The following PARP10 variants were observed in gnomAD, a reference collection of about 807,000 sequenced individuals.
PARP10 encodes poly(ADP-ribose) polymerase family member 10.
PARP10 carries 56 observed loss-of-function variants against 82.4 expected under a neutral mutation model. The observed-to-expected ratio is 0.68, with a 90% confidence interval of 0.55 to 0.85. The LOEUF (loss-of-function observed/expected upper bound fraction) is 0.85, where lower values mean the gene tolerates loss of function less well. Ranked by LOEUF, PARP10 falls within the 40% of genes least tolerant of loss-of-function variation. The pLI is 0.00. For synonymous variants in PARP10, 576 were observed against 601.1 expected (o/e 0.96, Z 0.61); for missense variants, 1,227 against 1,379.4 (o/e 0.89, Z 1.75).
upstream of PARP10, among the ~76,000 whole-genome samples, chr8:143,993,815 G>A (rs1425767767): frequency 6.6e-6 from 1 of 152,222 alleles, no homozygotes; most frequent in South Asian, 2.1e-4. Context: ...CAGTCCATCT[G>A]TGTGGGCACC....
rs1554752477 is a variant in PARP10, at chr8:144,011,051, A to G, written c.-80+1479T>C. Among the ~76,000 whole-genome samples the G allele has an allele frequency of 1.3e-5, 2 of 151,870 alleles. No homozygotes were observed. The highest frequency in any genetic ancestry group is 2.9e-5 in the Non-Finnish European group (2 of 67,946). The stretch of plus-strand genomic sequence containing the variant: ...GTCTATTAGACGTCTAATAGACGTG[A>G]TTAATAGCTACAAGTATATAATAGC... On this transcript the variant is annotated intron_variant, in intron 1 of 3. Transcript: ENST00000530478. The surrounding 1 kb of genome is among the most constrained non-coding windows in gnomAD (Gnocchi z 4.5).
Position 143,977,901 on chromosome 8 carries a change from C to T in PARP10, c.2731+6G>A. 1 of 1,602,118 alleles carries T rather than the reference C, an allele frequency of 6.2e-7. No homozygotes were observed. The highest frequency in any genetic ancestry group is 8.5e-7 in the Non-Finnish European group (1 of 1,179,194). ...AGCCCCCGCCCCTGCCCGGCTCAGGCCTCACCGTTGCGGCCGCAGAAGCTG... is the reference window on the plus strand; with the variant it reads ...AGCCCCCGCCCCTGCCCGGCTCAGGTCTCACCGTTGCGGCCGCAGAAGCTG... On this transcript the variant is annotated splice_donor_region_variant and intron_variant, in intron 10 of 10. Coordinates refer to ENST00000313028, the MANE Select transcript of PARP10 (RefSeq NM_032789.5).
At chr8:144,009,242 A>C (rs1347806381) in intron 1 of PARP10, among the ~76,000 whole-genome samples, 1 of 151,944 alleles carries the variant, frequency 6.6e-6, no homozygotes, top group Non-Finnish European at 1.5e-5. Context: ...AAACCACTTC[A>C]CCCAAACAGC....
At chr8:144,009,521 G>C (rs909489649) in intron 1 of PARP10, among the ~76,000 whole-genome samples, 1 of 152,048 alleles carries the variant, frequency 6.6e-6, no homozygotes, top group Non-Finnish European at 1.5e-5. Flanking sequence ...CCCCATTCCT[G>C]GGCAACCTCA....
chr8:144,009,862 G>T (rs1334914755), intron 1 of PARP10, among the ~76,000 whole-genome samples: 1 of 152,072 alleles, frequency 6.6e-6, no homozygotes, highest in African/African-American at 2.4e-5. Context: ...ACATTTCTCA[G>T]CTCTGCCCAC....
upstream of PARP10, chr8:143,989,578 T>C (rs995084619): frequency 6.6e-6 from 1 of 152,102 alleles, no homozygotes. This position sits in a 1 kb window ranked among gnomAD's most constrained non-coding sequence, Gnocchi z 4.3. Context: ...CCCGTAAATA[T>C]ACACCTACTA....
intron 9 of PARP10, among the ~76,000 whole-genome samples, chr8:143,978,666 C>G (rs574259779): frequency 6.6e-6 from 1 of 152,230 alleles, no homozygotes; most frequent in East Asian, 1.9e-4. Context: ...GGAAGTGGTT[C>G]AAACTGAAGA....
chr8:143,992,532 C>T, upstream of PARP10: 2 of 1,614,180 alleles, frequency 1.2e-6, no homozygotes, highest in Non-Finnish European at 1.7e-6. Context: ...TTCATCTTCG[C>T]CATTCTCTGC....
chr8:143,992,966 CCT>C (rs1834126355), upstream of PARP10: 2 of 783,824 alleles, frequency 2.6e-6, no homozygotes, highest in African/African-American at 3.5e-5. Flanking sequence ...GAAAAGGATG[CCT>C]CTCTCCAACC....
chr8:144,009,543 A>G (rs1384911604), intron 1 of PARP10, among the ~76,000 whole-genome samples: 1 of 152,100 alleles, frequency 6.6e-6, no homozygotes, highest in African/African-American at 2.4e-5. Context: ...CCGCTCATAC[A>G]GATCCAGTTG....
chr8:143,995,558 A>G (rs1215146462), upstream of PARP10, among the ~76,000 whole-genome samples: 38 of 152,132 alleles, frequency 2.5e-4, no homozygotes, highest in Non-Finnish European at 8.8e-5. Context: ...ACCTGTAGCA[A>G]TTGTGAGGCC....
At position 143,983,725 on chromosome 8, in the gene PARP10, G is replaced by A; in HGVS notation, c.1864C>T (p.Pro622Ser). 1 of 1,610,666 alleles carries A rather than the reference G, an allele frequency of 6.2e-7. No homozygotes were observed. Among genetic ancestry groups the A allele is most frequent in the South Asian group, 1.1e-5 (1 of 90,470 alleles). The change falls in exon 8 of 11, where the codon CCT becomes TCT. Residue 622 changes from proline (P) to serine (S), a missense_variant. Pro to Ser is a moderately conservative substitution (Grantham distance 74, BLOSUM62 -1). Coordinates refer to ENST00000313028, the MANE Select transcript of PARP10 (RefSeq NM_032789.5). ...WLPRELEEEG[P>S]QEQPEEEVTP... ...ACCTCCTCCTCTGGCTGCTCCTGAG[G>A]CCCTTCCTCCTCCAGCTCCCGAGGC...
Position 143,984,665 on chromosome 8 carries a change from A to T in PARP10, c.1337T>A (p.Met446Lys). ...KLAGQEGLVE[M>K]VLLMEPGAMR... ...CGCCCCTGGCTCCATCAATAGCACC[A>T]TCTCCACCAGGCCCTCCTGCCCTGC... is the stretch of plus-strand genomic sequence containing the variant. The change falls in exon 5 of 11, where the codon ATG (methionine) becomes AAG (lysine). Residue 446 changes from methionine (M) to lysine (K), a missense_variant. Coordinates refer to ENST00000313028, the MANE Select transcript of PARP10 (RefSeq NM_032789.5). 1 of 1,614,004 alleles carries T rather than the reference A, an allele frequency of 6.2e-7. No homozygotes were observed. Among genetic ancestry groups the T allele is most frequent in the South Asian group, 1.1e-5 (1 of 91,082 alleles).
chr8:144,006,804 A>G (rs1245885394), intron 1 of PARP10, among the ~76,000 whole-genome samples: 1 of 152,234 alleles, frequency 6.6e-6, no homozygotes, highest in East Asian at 1.9e-4. Flanking sequence ...GGTCCTCACC[A>G]GACACCAGGT....
chr8:143,991,572 C>T (rs1008381165), upstream of PARP10: 1 of 1,599,230 alleles, frequency 6.3e-7, no homozygotes, highest in Middle Eastern at 1.8e-4. Flanking sequence ...CTATGGACAG[C>T]CACAGGTCTT....
chr8:144,005,614 C>A (rs1834231258), intron 1 of PARP10, among the ~76,000 whole-genome samples: 1 of 152,154 alleles, frequency 6.6e-6, no homozygotes, highest in Admixed American at 6.5e-5. Context: ...GACTCCATCC[C>A]ATGCTTCTCT....
chr8:143,982,789 C>T, intron 9 of PARP10, 143 bp downstream of exon 9: 1 of 1,359,632 alleles, frequency 7.4e-7, no homozygotes, highest in Non-Finnish European at 1.0e-6. Context: ...GCCCTCTGGG[C>T]AGAGAACAGG....
chr8:143,985,846 C>T lies in PARP10; in HGVS notation c.311G>A (p.Arg104His), dbSNP rs782028740. 12 of 1,609,984 alleles carry T rather than the reference C, an allele frequency of 7.5e-6. No homozygotes were observed. Among genetic ancestry groups the T allele is most frequent in the Middle Eastern group, 1.6e-4 (1 of 6,076 alleles). Residue 104 changes from arginine (R) to histidine (H), a missense_variant, in exon 3 of 11, where the codon CGC becomes CAC. By Grantham distance (29) the Arg-to-His change is conservative. Transcript: ENST00000313028. Reference sequence around the variant, plus strand: ...CAAGGCCTGGACATGCTGCTCCAAGCGCTGGGGCGTGGTGCCAGGGGGCAG... The same window carrying T: ...CAAGGCCTGGACATGCTGCTCCAAGTGCTGGGGCGTGGTGCCAGGGGGCAG... Reference protein sequence around the residue: ...QGLPPGTTPQRLEQHVQALLR... With the variant: ...QGLPPGTTPQHLEQHVQALLR...
intron 1 of PARP10, among the ~76,000 whole-genome samples, chr8:144,012,108 G>T (rs1554752541): frequency 6.6e-6 from 1 of 152,366 alleles, no homozygotes; most frequent in Middle Eastern, 3.4e-3. Flanking sequence ...TGTAAAGCCA[G>T]TGGACAATGT....
Sources: gnomAD v4.1 joint callset for allele counts (sites outside exome capture counted in the v4.1 genomes callset) on GRCh38, gnomAD v4.1.1 for gene constraint, Gnocchi (gnomAD v3.1) non-coding constraint, MANE v1.5 for transcripts, NCBI Gene and HGNC (gene_info 2026-07-23, HGNC 2026-07-21) for gene names.